MROH1: variants seen among roughly 807,000 people sequenced by gnomAD.
The protein encoded by MROH1 is maestro heat-like repeat-containing protein family member 1.
A neutral mutation model predicts 116.5 loss-of-function variants in MROH1; 117 were observed. The ratio of observed to expected loss-of-function variants is 1.00; its 90% CI spans 0.86 to 1.17. MROH1 has a LOEUF of 1.17. Ranked by LOEUF, MROH1 falls within the 50% of genes most tolerant of loss-of-function variation. MROH1 has a pLI of 0.00. For synonymous variants in MROH1, 921 were observed against 583.9 expected, an observed-to-expected ratio of 1.58 and a Z score of -8.32; for missense variants, 1,873 against 1,338.5, an observed-to-expected ratio of 1.40 and a Z score of -6.23.
rs1211709225 is a variant in MROH1, at chr8:144,223,188, C to T, written c.1296C>T (p.Ile432=). 4.3e-6 allele frequency: 7 copies of T among 1,611,368 alleles called. No homozygotes were observed. The highest frequency in any genetic ancestry group is 1.3e-5 in the African/African-American group (1 of 74,832). Residue 432 remains isoleucine (I), a synonymous_variant, in exon 14 of 44, where the codon ATC becomes ATT. Coordinates refer to ENST00000326134, the MANE Select transcript of MROH1 (RefSeq NM_032450.3). ...YLEQPGGEAM[I]EYIVQQCALP... ...AGCAGCCTGGAGGTGAGGCGATGAT[C>T]GAGTACATCGTGCAGCAGTGCGCGC...
At chr8:144,162,169 C>T (rs1819707951) in intron 2 of MROH1, among the ~76,000 whole-genome samples, 1 of 151,048 alleles carries the variant, frequency 6.6e-6, no homozygotes, top group African/African-American at 2.4e-5. Flanking sequence ...ACTGCGACCT[C>T]CACCTCCCGG....
intron 7 of MROH1, among the ~76,000 whole-genome samples, chr8:144,181,014 C>T (rs1305031566): frequency 6.6e-6 from 1 of 152,132 alleles, no homozygotes; most frequent in Non-Finnish European, 1.5e-5. Context: ...TTTCCCCTGC[C>T]ACTGACAGTG....
At chr8:144,152,393 A>AAT (rs1491187767) in intron 1 of MROH1, among the ~76,000 whole-genome samples, 2 of 145,550 alleles carry the variant, frequency 1.4e-5, no homozygotes, top group Admixed American at 6.9e-5. Context: ...TTTAAAAAAA[A>AAT]TTTTTTTTTT....
In MROH1 at chr8:144,239,311, T is replaced by C. The variant is rs2132859513; in HGVS notation, c.1592-12T>C. ...CAGCCCCCCACTGACTATTTCCACC[T>C]CTCATCTCCAGCGAGCCTCCCGTCT... On this transcript the variant is annotated splice_polypyrimidine_tract_variant and intron_variant, in intron 16 of 43. Transcript: ENST00000326134. 1 of 775,074 alleles carries C rather than the reference T, an allele frequency of 1.3e-6. No individual in the cohort carries two copies. The highest frequency in any genetic ancestry group is 2.4e-5 in the East Asian group (1 of 40,874). 48.0% of individuals were successfully genotyped at this position (775,074 alleles called of 1,614,324 possible). A position where few individuals can be genotyped will look rare whatever the true frequency, so the allele number is the denominator to read the frequency against.
rs1479240418 is a variant in MROH1 at position 144,187,508 on chromosome 8, A to C, written c.563-3276A>C. ...GTCTTCACTTAATAAAATTGTTTATATAAAATCCCAACACATTCCCACAAA... is the reference window on the plus strand; with the variant it reads ...GTCTTCACTTAATAAAATTGTTTATCTAAAATCCCAACACATTCCCACAAA... On this transcript the variant is annotated intron_variant, in intron 7 of 43. Coordinates refer to ENST00000326134, the MANE Select transcript of MROH1 (RefSeq NM_032450.3). Among the ~76,000 whole-genome samples the C allele has an allele frequency of 3.9e-5, 6 of 152,368 alleles. No individual in the cohort carries two copies. In the South Asian group the frequency reaches 1.0e-3, roughly 26 times the overall value.
At chr8:144,198,212 C>T (rs923232443) in intron 10 of MROH1, among the ~76,000 whole-genome samples, 4 of 152,142 alleles carry the variant, frequency 2.6e-5, no homozygotes, top group Non-Finnish European at 4.4e-5. Flanking sequence ...GCTGTGGTTA[C>T]CTCTTCTGGC....
chr8:144,155,070 C>T (rs1225415392), intron 1 of MROH1, among the ~76,000 whole-genome samples: 3 of 152,114 alleles, frequency 2.0e-5, no homozygotes, highest in African/African-American at 4.8e-5. Flanking sequence ...CCCACCTCGG[C>T]GTCCTAAAGT....
At chr8:144,240,886 A>T in intron 20 of MROH1, 106 bp from the exon 21 acceptor site, 1 of 707,668 alleles carries the variant, frequency 1.4e-6, no homozygotes. Flanking sequence ...TGCAGTTCTC[A>T]TCAGCTTGTG....
intron 4 of MROH1, among the ~76,000 whole-genome samples, chr8:144,177,971 T>TC (rs1824461807): frequency 6.6e-6 from 1 of 151,176 alleles, no homozygotes; most frequent in Admixed American, 6.6e-5. Flanking sequence ...CTTCTTCTTT[T>TC]TTTTTTTTTC....
chr8:144,249,078 G>T, intron 32 of MROH1, 49 bp downstream of exon 32: 1 of 711,486 alleles, frequency 1.4e-6, no homozygotes, highest in Admixed American at 2.0e-5. Flanking sequence ...GGTGGGAGAG[G>T]GCGCGGTGGG....
At position 144,203,775 on chromosome 8, in the gene MROH1, C is replaced by G. The variant is rs1832230795; in HGVS notation, c.1141+3234C>G. ...ACCCTTGAGGCAGGTGCTCTTCTCC[C>G]CATTTACCTGATGAGGTTGGCATCT... On this transcript the variant is annotated intron_variant, in intron 12 of 43. Coordinates refer to ENST00000326134, the MANE Select transcript of MROH1 (RefSeq NM_032450.3). Among the ~76,000 whole-genome samples the G allele has an allele frequency of 2.6e-5, 4 of 152,120 alleles. No homozygotes were observed. The South Asian group carries it at 8.3e-4, about 31-fold the overall frequency.
At chr8:144,197,415 A>ATTTTT (rs1830148154) in intron 10 of MROH1, among the ~76,000 whole-genome samples, 1 of 49,436 alleles carries the variant, frequency 2.0e-5, no homozygotes, top group Non-Finnish European at 3.4e-5. Context: ...AAGCTGCAGC[A>ATTTTT]TCTTTTTTTT....
intron 12 of MROH1, among the ~76,000 whole-genome samples, chr8:144,218,469 C>T (rs898885650): frequency 6.6e-6 from 1 of 151,770 alleles, no homozygotes; most frequent in Non-Finnish European, 1.5e-5. Flanking sequence ...GGGTGTTGGC[C>T]CTTGAGATTT....
In MROH1 at chr8:144,259,780, C is replaced by T. The variant is rs1409514072; in HGVS notation, c.4045-131C>T. The T allele has an allele frequency of 3.5e-5, 24 of 693,108 alleles. No individual in the cohort carries two copies. The South Asian group carries it at 3.6e-4, about 10-fold the overall frequency. The allele number at this position is 693,108 out of a possible 1,614,324, so 42.9% of individuals were successfully genotyped here. A position where few individuals can be genotyped will look rare whatever the true frequency, so the allele number is the denominator to read the frequency against. Reference sequence around the variant, plus strand: ...GGAGGGGTCGCCACTGATCGGAGACCCAGGGAGTAGGTGCTCCACCTCTGT... The same window carrying T: ...GGAGGGGTCGCCACTGATCGGAGACTCAGGGAGTAGGTGCTCCACCTCTGT... On this transcript the variant is annotated intron_variant, in intron 37 of 43. Coordinates refer to ENST00000326134, the MANE Select transcript of MROH1 (RefSeq NM_032450.3).
chr8:144,204,070 ATCTT>A (rs1191261835), intron 12 of MROH1, among the ~76,000 whole-genome samples: 1 of 152,224 alleles, frequency 6.6e-6, no homozygotes, highest in African/African-American at 2.4e-5. Context: ...TTGCTAGTAT[ATCTT>A]AGAGAACTTT....
chr8:144,247,971 CTCTG>C (rs1358309633), intron 31 of MROH1, among the ~76,000 whole-genome samples: 4 of 152,266 alleles, frequency 2.6e-5, no homozygotes, highest in African/African-American at 9.6e-5. Flanking sequence ...CACAGCCGCC[CTCTG>C]TCTGCCACTG....
rs934682244 is a variant in MROH1, at chr8:144,260,841, C to T, written c.4536+9C>T. The T allele has an allele frequency of 8.7e-5, 68 of 777,878 alleles. No homozygotes were observed. The African/African-American group carries it at 1.0e-3, about 12-fold the overall frequency. 48.2% of individuals were successfully genotyped at this position (777,878 alleles called of 1,614,324 possible). A position where few individuals can be genotyped will look rare whatever the true frequency, so the allele number is the denominator to read the frequency against. ...AGGCCACCGTGGCCAGCGTGAGTAGCCAGGGGGTGAGTGGGATGGGGTGGG... is the reference window on the plus strand; with the variant it reads ...AGGCCACCGTGGCCAGCGTGAGTAGTCAGGGGGTGAGTGGGATGGGGTGGG... On this transcript the variant is annotated intron_variant, in intron 40 of 43. Coordinates refer to ENST00000326134, the MANE Select transcript of MROH1 (RefSeq NM_032450.3).
At chr8:144,261,627 G>C (rs1006169901) in intron 43 of MROH1, 28 bp from the exon 44 acceptor site, 9 of 703,838 alleles carry the variant, frequency 1.3e-5, no homozygotes, top group Non-Finnish European at 2.1e-5. Context: ...GTCACAGCCC[G>C]CAGGCAGCCC....
intron 10 of MROH1, among the ~76,000 whole-genome samples, chr8:144,196,134 C>T (rs1177638130): frequency 2.0e-5 from 3 of 151,354 alleles, no homozygotes; most frequent in Non-Finnish European, 4.4e-5. Context: ...ACTGAAAATA[C>T]AAAAAATTAG....
Sources: gnomAD v4.1 joint callset for allele counts (sites outside exome capture counted in the v4.1 genomes callset) on GRCh38, gnomAD v4.1.1 for gene constraint, MANE v1.5 for transcripts, NCBI Gene and HGNC (gene_info 2026-07-23, HGNC 2026-07-21) for gene names.